Variants in TBC1D9 observed in about 807,000 individuals in gnomAD.
TBC1D9 encodes TBC1 domain family member 9A.
A neutral mutation model predicts 132.0 loss-of-function variants in TBC1D9; 63 were observed. The observed-to-expected ratio is 0.48, with a 90% confidence interval of 0.39 to 0.59. The LOEUF is 0.59. Among genes scored for constraint, TBC1D9 ranks in the 20% least tolerant of loss-of-function variants. The pLI is 0.00. For missense variants in TBC1D9, 1,261 were observed against 1,592.7 expected, an observed-to-expected ratio of 0.79 and a Z score of 3.54; for synonymous variants, 610 against 609.9, an observed-to-expected ratio of 1.00 and a Z score of 0.00.
At chr4:140,642,763 T>A in intron 13 of TBC1D9, 1 of 646,996 alleles carries the variant, frequency 1.5e-6, no homozygotes, top group Non-Finnish European at 2.7e-6. Flanking sequence ...AGTCATCTGA[T>A]GTCGGCAGAG....
chr4:140,724,073 A>C (rs1159753529), intron 1 of TBC1D9, among the ~76,000 whole-genome samples: 1 of 152,178 alleles, frequency 6.6e-6, no homozygotes, highest in East Asian at 1.9e-4. Flanking sequence ...CTTCTCAACT[A>C]TTGAGGTGGC....
chr4:140,685,531 G>A, intron 3 of TBC1D9, among the ~76,000 whole-genome samples: 1 of 152,124 alleles, frequency 6.6e-6, no homozygotes, highest in East Asian at 1.9e-4. Flanking sequence ...AATGTTCCAC[G>A]CTGAAGGAGA....
chr4:140,626,865 T>C (rs1195589943), intron 18 of TBC1D9, among the ~76,000 whole-genome samples: 2 of 152,202 alleles, frequency 1.3e-5, no homozygotes, highest in African/African-American at 2.4e-5. Flanking sequence ...AAGCAATACA[T>C]ATATAAATGA....
At chr4:140,694,287 T>C (rs1737918584) in intron 2 of TBC1D9, among the ~76,000 whole-genome samples, 1 of 152,198 alleles carries the variant, frequency 6.6e-6, no homozygotes, top group Admixed American at 6.5e-5. Context: ...TTAAAATTGA[T>C]AGGCCAGGCG....
intron 18 of TBC1D9, 68 bp downstream of exon 18, chr4:140,627,372 GT>G (rs1736725369): frequency 1.0e-6 from 1 of 984,494 alleles, no homozygotes; most frequent in African/African-American, 1.6e-5. Flanking sequence ...TTGGAGGCAA[GT>G]CTTTTTCCAA....
chr4:140,665,542 A>T (rs1737429951), intron 9 of TBC1D9, among the ~76,000 whole-genome samples: 1 of 152,212 alleles, frequency 6.6e-6, no homozygotes, highest in South Asian at 2.1e-4. Flanking sequence ...TTAACCTTTA[A>T]AAGGTTAAAC....
intron 10 of TBC1D9, among the ~76,000 whole-genome samples, chr4:140,660,961 C>G (rs1274843586): frequency 2.6e-5 from 4 of 151,776 alleles, no homozygotes; most frequent in Admixed American, 2.0e-4. Context: ...GTCGCCCAGG[C>G]TGGAGTGCAG....
chr4:140,684,874 G>A (rs913937482), intron 3 of TBC1D9, among the ~76,000 whole-genome samples: 2 of 65,994 alleles, frequency 3.0e-5, no homozygotes, highest in Non-Finnish European at 5.2e-5. Context: ...GACAAAGGAG[G>A]CAATTTGTAG....
At chr4:140,656,989 C>T in intron 13 of TBC1D9, 108 bp downstream of exon 13, 1 of 1,336,514 alleles carries the variant, frequency 7.5e-7, no homozygotes, top group Admixed American at 2.2e-5. Flanking sequence ...AAATAAATAT[C>T]TGTTCTTTGC....
intron 2 of TBC1D9, among the ~76,000 whole-genome samples, chr4:140,698,177 A>G (rs960301523): frequency 1.3e-5 from 2 of 152,084 alleles, no homozygotes; most frequent in African/African-American, 2.4e-5. Context: ...TTTCACTTCT[A>G]CGGGCTCCCT....
chr4:140,743,462 A>G (rs1738790626), intron 1 of TBC1D9, among the ~76,000 whole-genome samples: 1 of 152,228 alleles, frequency 6.6e-6, no homozygotes, highest in African/African-American at 2.4e-5. Context: ...TTTGCAAATC[A>G]CATGTCCAAC....
At chr4:140,700,496 T>A (rs1209418432) in intron 2 of TBC1D9, among the ~76,000 whole-genome samples, 1 of 151,616 alleles carries the variant, frequency 6.6e-6, no homozygotes, top group Non-Finnish European at 1.5e-5. Context: ...TAGAAGTTCT[T>A]ATGAGAGATC....
In TBC1D9 at chr4:140,639,406, T is replaced by C; in HGVS notation, c.2360A>G (p.Asp787Gly). The C allele has an allele frequency of 6.2e-7, 1 of 1,612,252 alleles. No homozygotes were observed. Among genetic ancestry groups the C allele is most frequent in the Non-Finnish European group, 8.5e-7 (1 of 1,179,170 alleles). The change falls in exon 14 of 21, where the codon GAT becomes GGT. Residue 787 changes from aspartate to glycine, a missense_variant. By Grantham distance (94) the Asp-to-Gly change is moderately conservative. This residue lies in a region of TBC1D9 where 618 missense variants were observed against 724.4 expected (regional missense o/e 0.85). Transcript: ENST00000442267. ...SYEKFGTIRA[D>G]LIEQMRFKQR... The stretch of plus-strand genomic sequence containing the variant: ...TTTGAATCTCATCTGTTCAATCAAA[T>C]CTGCCCGGATAGTTCCGAATTTCTG...
At chr4:140,721,657 T>A (rs1395941132) in intron 1 of TBC1D9, among the ~76,000 whole-genome samples, 1 of 152,174 alleles carries the variant, frequency 6.6e-6, no homozygotes, top group Non-Finnish European at 1.5e-5. Flanking sequence ...ACAGCATCCT[T>A]CCCATTTTCA....
chr4:140,730,555 C>T (rs1208846503), intron 1 of TBC1D9, among the ~76,000 whole-genome samples: 4 of 151,992 alleles, frequency 2.6e-5, no homozygotes, highest in Non-Finnish European at 5.9e-5. Flanking sequence ...GGCAAAACCC[C>T]GTCTGTACTA....
chr4:140,675,268 T>G (rs1350950661), intron 6 of TBC1D9, among the ~76,000 whole-genome samples: 1 of 151,684 alleles, frequency 6.6e-6, no homozygotes, highest in Non-Finnish European at 1.5e-5. Flanking sequence ...TATATTACTC[T>G]TAAAACAAGA....
rs763206545 is a variant in TBC1D9, at chr4:140,661,926, A to G, written c.1770T>C (p.Tyr590=). ...ACCCTATGTTGGGATTTCGAAAAGC[A>G]TAAGCTGTTAAGACTCTCCTTAGTG... The part of the protein sequence containing the change: ...IAALRRVLTA[Y]AFRNPNIGYC... The change falls in exon 10 of 21, where the codon TAT becomes TAC. Residue 590 remains tyrosine, a synonymous_variant. Transcript: ENST00000442267. The G allele has an allele frequency of 5.0e-6, 8 of 1,614,010 alleles. No homozygotes were observed. The highest frequency in any genetic ancestry group is 2.2e-5 in the East Asian group (1 of 44,880).
intron 15 of TBC1D9, among the ~76,000 whole-genome samples, chr4:140,638,477 C>T (rs1736913729): frequency 6.9e-6 from 1 of 144,460 alleles, no homozygotes; most frequent in Admixed American, 7.0e-5. Context: ...GCCTGGCCAA[C>T]ATGGTGAAAC....
At chr4:140,695,674 C>G (rs1394330854) in intron 2 of TBC1D9, among the ~76,000 whole-genome samples, 10 of 152,168 alleles carry the variant, frequency 6.6e-5, no homozygotes, top group Non-Finnish European at 1.5e-4. Context: ...ACTGTTAGAA[C>G]CTTCTAGTCC....
Sources: allele counts gnomAD v4.1 joint callset (sites outside exome capture counted in the v4.1 genomes callset), GRCh38; gene constraint gnomAD v4.1.1; regional missense constraint gnomAD v4.1.1; transcripts MANE v1.5; gene names NCBI Gene and HGNC (gene_info 2026-07-23, HGNC 2026-07-21).